Variants in CFAP20DC observed in about 807,000 individuals in gnomAD.
CFAP20DC encodes the protein CFAP20 domain containing.
Under a neutral mutation model 101.7 loss-of-function variants are expected in CFAP20DC, and 84 were observed. The ratio of observed to expected loss-of-function variants is 0.83; its 90% CI spans 0.69 to 0.99. The LOEUF is 0.99. CFAP20DC is among the 50% of genes least tolerant of loss of function. CFAP20DC has a pLI of 0.00. For missense variants in CFAP20DC, 1,007 were observed against 970.3 expected (o/e 1.04, Z -0.50); for synonymous variants, 359 against 351.2 (o/e 1.02, Z -0.25).
intron 12 of CFAP20DC, among the ~76,000 whole-genome samples, chr3:58,851,467 C>T (rs2078224771): frequency 6.6e-6 from 1 of 152,134 alleles, no homozygotes; most frequent in Non-Finnish European, 1.5e-5. Flanking sequence ...GTATGAGATC[C>T]TTAACCCATG....
At chr3:58,932,917 A>G (rs1224408423) in intron 5 of CFAP20DC, among the ~76,000 whole-genome samples, 1 of 152,242 alleles carries the variant, frequency 6.6e-6, no homozygotes, top group African/African-American at 2.4e-5. Context: ...AAATTCAGAC[A>G]TAACAATATC....
chr3:58,994,362 G>C (rs1157947164), intron 4 of CFAP20DC, among the ~76,000 whole-genome samples: 1 of 152,160 alleles, frequency 6.6e-6, no homozygotes, highest in African/African-American at 2.4e-5. Flanking sequence ...ATGATGGCTG[G>C]ATAAGTGGGG....
At chr3:59,029,264 T>C (rs563588672) in intron 4 of CFAP20DC, among the ~76,000 whole-genome samples, 1 of 152,202 alleles carries the variant, frequency 6.6e-6, no homozygotes, top group Admixed American at 6.5e-5. Flanking sequence ...CATGTCTTCA[T>C]GAAACTTGAA....
At chr3:58,782,344 C>T (rs909187452) in intron 15 of CFAP20DC, among the ~76,000 whole-genome samples, 1 of 151,986 alleles carries the variant, frequency 6.6e-6, no homozygotes, top group African/African-American at 2.4e-5. Flanking sequence ...TAGGGAAAAG[C>T]TGGAAGCCTT....
At chr3:58,990,029 A>G (rs1286287305) in intron 4 of CFAP20DC, among the ~76,000 whole-genome samples, 1 of 152,218 alleles carries the variant, frequency 6.6e-6, no homozygotes, top group East Asian at 1.9e-4. Context: ...ATGGAATTAA[A>G]TGCCTAAGAG....
intron 11 of CFAP20DC, among the ~76,000 whole-genome samples, chr3:58,865,911 T>C (rs1396672636): frequency 6.6e-6 from 1 of 152,224 alleles, no homozygotes; most frequent in Non-Finnish European, 1.5e-5. Context: ...ACCTCAAGTA[T>C]TTCCATATCA....
At chr3:58,902,055 T>C (rs1362970795) in intron 6 of CFAP20DC, among the ~76,000 whole-genome samples, 1 of 152,252 alleles carries the variant, frequency 6.6e-6, no homozygotes, top group Non-Finnish European at 1.5e-5. Flanking sequence ...TGAGCATGTT[T>C]TGGAGGTTCC....
intron 15 of CFAP20DC, among the ~76,000 whole-genome samples, chr3:58,792,383 GGAGAA>G (rs1374719138): frequency 6.6e-6 from 1 of 151,922 alleles, no homozygotes; most frequent in African/African-American, 2.4e-5. Flanking sequence ...TGGTGAATTG[GGAGAA>G]GAGAATACTA....
At chr3:58,750,354 C>A (rs1216036936) in intron 16 of CFAP20DC, among the ~76,000 whole-genome samples, 1 of 152,184 alleles carries the variant, frequency 6.6e-6, no homozygotes, top group African/African-American at 2.4e-5. Context: ...TGGCTCAGCA[C>A]ATCACTGCAC....
chr3:58,823,436 C>T (rs2075826619), intron 14 of CFAP20DC, among the ~76,000 whole-genome samples: 1 of 152,080 alleles, frequency 6.6e-6, no homozygotes, highest in African/African-American at 2.4e-5. Flanking sequence ...CAATGAACTA[C>T]GACCATCATC....
intron 3 of CFAP20DC, among the ~76,000 whole-genome samples, chr3:58,725,373 T>C (rs1399342840): frequency 6.6e-6 from 1 of 152,138 alleles, no homozygotes; most frequent in Non-Finnish European, 1.5e-5. Flanking sequence ...TGCCGGTTGT[T>C]GTGGCTATGG....
At chr3:58,787,556 G>T (rs2072467418) in intron 15 of CFAP20DC, among the ~76,000 whole-genome samples, 1 of 152,116 alleles carries the variant, frequency 6.6e-6, no homozygotes, top group Non-Finnish European at 1.5e-5. Flanking sequence ...GTGTTAATTA[G>T]TTCAACCATG....
At chr3:59,016,797 T>C (rs1185697108) in intron 4 of CFAP20DC, among the ~76,000 whole-genome samples, 1 of 152,120 alleles carries the variant, frequency 6.6e-6, no homozygotes, top group African/African-American at 2.4e-5. Context: ...TTGCCAATGT[T>C]GCTCATGCAG....
intron 4 of CFAP20DC, among the ~76,000 whole-genome samples, chr3:59,036,305 G>C (rs978202781): frequency 6.6e-6 from 1 of 152,118 alleles, no homozygotes; most frequent in Non-Finnish European, 1.5e-5. Flanking sequence ...AGAGCAATCA[G>C]GCAAGAGAAA....
intron 6 of CFAP20DC, among the ~76,000 whole-genome samples, chr3:58,895,025 G>A (rs2082555796): frequency 6.6e-6 from 1 of 152,226 alleles, no homozygotes; most frequent in South Asian, 2.1e-4. Context: ...TCCCCAGGCT[G>A]CACACAACAT....
chr3:58,891,326 A>C (rs537074121), intron 6 of CFAP20DC, among the ~76,000 whole-genome samples: 1,551 of 151,864 alleles, frequency 0.01, 22 homozygotes, highest in African/African-American at 0.035. Context: ...AGGCAGGAGA[A>C]TCAGGCAGGG....
chr3:58,739,100 T>G (rs886280894), downstream of CFAP20DC, among the ~76,000 whole-genome samples: 1 of 152,230 alleles, frequency 6.6e-6, no homozygotes, highest in Non-Finnish European at 1.5e-5. Flanking sequence ...GGCAAGATTT[T>G]TTTGGCAAAA....
chr3:59,009,307 C>A (rs1349536130), intron 4 of CFAP20DC, among the ~76,000 whole-genome samples: 2 of 151,940 alleles, frequency 1.3e-5, no homozygotes, highest in Non-Finnish European at 2.9e-5. Flanking sequence ...ACTAGCTCCC[C>A]AGCAATGGAT....
intron 16 of CFAP20DC, among the ~76,000 whole-genome samples, chr3:58,746,551 G>C (rs886175384): frequency 2.0e-5 from 3 of 152,106 alleles, no homozygotes; most frequent in Admixed American, 2.0e-4. Flanking sequence ...CAAAGGGATC[G>C]AGGTAGATCC....
Sources: allele counts gnomAD v4.1 joint callset (sites outside exome capture counted in the v4.1 genomes callset), GRCh38; gene constraint gnomAD v4.1.1; transcripts MANE v1.5; gene names NCBI Gene and HGNC (gene_info 2026-07-23, HGNC 2026-07-21).